The following FAM161A variants were observed in gnomAD, a reference collection of about 807,000 sequenced individuals.
The protein encoded by FAM161A is protein FAM161A.
FAM161A carries 57 observed loss-of-function variants against 70.9 expected under a neutral mutation model. That is an observed-to-expected ratio of 0.80 (90% confidence interval 0.65 to 1.00). The LOEUF (loss-of-function observed/expected upper bound fraction) is 1.00. Ranked by LOEUF, FAM161A falls within the 50% of genes least tolerant of loss-of-function variation. The pLI is 0.00. For synonymous variants in FAM161A, 299 were observed against 295.7 expected, an observed-to-expected ratio of 1.01 and a Z score of -0.12; for missense variants, 880 against 836.0, an observed-to-expected ratio of 1.05 and a Z score of -0.65.
the FAM161A span, among the ~76,000 whole-genome samples, chr2:61,812,317 T>C: frequency 3.9e-5 from 6 of 152,262 alleles, no homozygotes; most frequent in Non-Finnish European, 5.9e-5. Context: ...AGATTTTTTG[T>C]TAATTTAATG....
the FAM161A span, among the ~76,000 whole-genome samples, chr2:61,810,177 A>C: frequency 6.6e-6 from 1 of 152,174 alleles, no homozygotes; most frequent in Non-Finnish European, 1.5e-5. Flanking sequence ...GCTGAAACTA[A>C]ATTATACAGG....
At chr2:61,801,189 GAAC>G in the FAM161A span, among the ~76,000 whole-genome samples, 1 of 151,908 alleles carries the variant, frequency 6.6e-6, no homozygotes, top group Non-Finnish European at 1.5e-5. Flanking sequence ...AAATCTTAAA[GAAC>G]ACCACTTTAA....
At chr2:61,804,771 A>AAAGAAAGT in the FAM161A span, among the ~76,000 whole-genome samples, 2 of 125,556 alleles carry the variant, frequency 1.6e-5, no homozygotes, top group Admixed American at 1.6e-4. Flanking sequence ...AAAGAAAGAG[A>AAAGAAAGT]AAGAAAGAAA....
At chr2:61,831,550 A>G (rs1466414992) in intron 5 of FAM161A, among the ~76,000 whole-genome samples, 1 of 152,184 alleles carries the variant, frequency 6.6e-6, no homozygotes, top group African/African-American at 2.4e-5. Flanking sequence ...CTGATATTCA[A>G]AAAGCATTTG....
At chr2:61,838,501 A>T (rs1672855946) in intron 4 of FAM161A, 37 bp downstream of exon 4, 1 of 1,548,930 alleles carries the variant, frequency 6.5e-7, no homozygotes, top group South Asian at 1.2e-5. Flanking sequence ...GAGTTTGAAA[A>T]CCAGTGGTCT....
intron 4 of FAM161A, 34 bp from the exon 5 acceptor site, chr2:61,836,143 G>C: frequency 7.0e-7 from 1 of 1,426,452 alleles, no homozygotes; most frequent in Non-Finnish European, 9.9e-7. Flanking sequence ...AATTTTAAAA[G>C]ATCATCTAAG....
At chr2:61,838,873 T>TTTAG in intron 3 of FAM161A, among the ~76,000 whole-genome samples, 168 bp from the exon 4 acceptor site, 1 of 141,860 alleles carries the variant, frequency 7.0e-6, no homozygotes, top group East Asian at 2.0e-4. Flanking sequence ...TATTTATTTA[T>TTTAG]TTATTTATTT....
intron 3 of FAM161A, 63 bp downstream of exon 3, chr2:61,839,358 A>G (rs757368523): frequency 6.8e-7 from 1 of 1,466,600 alleles, no homozygotes; most frequent in Non-Finnish European, 9.6e-7. Flanking sequence ...CATAAACTCC[A>G]CAGAGCTGCA....
chr2:61,818,255 C>T, the FAM161A span, among the ~76,000 whole-genome samples: 2 of 152,206 alleles, frequency 1.3e-5, no homozygotes, highest in South Asian at 4.2e-4. Context: ...GGGATCTCAC[C>T]TTGTTGGCCA....
rs774817397 is a variant in FAM161A, at chr2:61,853,922, C to T, written c.120G>A (p.Ala40=). 1.2e-6 allele frequency: 2 copies of T among 1,614,004 alleles called. No homozygotes were observed. Among genetic ancestry groups the T allele is most frequent in the Admixed American group, 1.7e-5 (1 of 60,034 alleles). The change falls in exon 1 of 7, where the codon GCG becomes GCA. Residue 40 remains alanine (A), a synonymous_variant. Coordinates refer to ENST00000404929, the MANE Select transcript of FAM161A (RefSeq NM_001201543.2). ...YEREDPLKAL[A]AAEAILEDEE... ...CGTCCTCCAAGATCGCCTCCGCTGC[C>T]GCCAGGGCCTTTAAGGGGTCTTCGC...
intron 2 of FAM161A, 51 bp downstream of exon 2, chr2:61,842,071 A>G: frequency 8.7e-7 from 1 of 1,147,308 alleles, no homozygotes; most frequent in Admixed American, 1.7e-5. Context: ...TGTCCTTTTA[A>G]GGATACATTT....
intron 5 of FAM161A, among the ~76,000 whole-genome samples, chr2:61,832,762 G>A (rs575768361): frequency 2.6e-5 from 4 of 152,130 alleles, no homozygotes; most frequent in Non-Finnish European, 5.9e-5. Context: ...AGAATCTAAC[G>A]CCTGATGATG....
rs1251667256 is a variant in FAM161A, at chr2:61,825,114, TA to T, written c.*1340del. 1 of 450,682 alleles carries T rather than the reference TA, an allele frequency of 2.2e-6. No individual in the cohort carries two copies. Among genetic ancestry groups the T allele is most frequent in the Admixed American group, 2.4e-5 (1 of 42,014 alleles). The allele number at this position is 450,682 out of a possible 1,614,324, so 27.9% of individuals were successfully genotyped here. ...GAAACACTGCTATTACATACACCTG[TA>T]TTAGTTCATCCTTTTAAAATGATGC... On this transcript the variant is annotated 3_prime_UTR_variant, in exon 7 of 7. Transcript: ENST00000404929.
chr2:61,830,663 G>A (rs976303169), intron 5 of FAM161A, among the ~76,000 whole-genome samples: 6 of 120,416 alleles, frequency 5.0e-5, no homozygotes, highest in Non-Finnish European at 8.1e-5. Context: ...CAGCCTGGGT[G>A]ACAGAGTAAG....
intron 5 of FAM161A, among the ~76,000 whole-genome samples, chr2:61,827,830 C>A (rs1018157717): frequency 6.6e-6 from 1 of 152,054 alleles, no homozygotes; most frequent in Non-Finnish European, 1.5e-5. Flanking sequence ...ACCCAAATAT[C>A]TATTAGTAGC....
chr2:61,852,938 CTTTT>C (rs5831624), intron 1 of FAM161A, among the ~76,000 whole-genome samples: 4 of 66,440 alleles, frequency 6.0e-5, no homozygotes, highest in Non-Finnish European at 6.0e-5. Flanking sequence ...AGATTCCCAT[CTTTT>C]TTTTTTTTTT....
rs1572877944 is a variant in FAM161A, at chr2:61,839,516, C to T, written c.1488G>A (p.Lys496=). The change falls in exon 3 of 7, where the codon AAG becomes AAA. Residue 496 remains lysine, a synonymous_variant. Transcript: ENST00000404929. ...TTACACCTGCACATCTTACTGGTGA[C>T]TTACGCCTTGGAGACAAATAAGGCC... The part of the protein sequence containing the change: ...TRWPYLSPRR[K]SPVRCAGVNP... 6.2e-7 allele frequency: 1 copy of T among 1,614,214 alleles called. No individual in the cohort carries two copies. The highest frequency in any genetic ancestry group is 8.5e-7 in the Non-Finnish European group (1 of 1,180,040).
At chr2:61,826,663 C>T (rs1384097584) in intron 6 of FAM161A, 64 bp from the exon 7 acceptor site, 2 of 1,409,840 alleles carry the variant, frequency 1.4e-6, no homozygotes, top group East Asian at 2.3e-5. Flanking sequence ...TAAACAAACC[C>T]TCTGCAAGTA....
At chr2:61,820,641 G>C, downstream of FAM161A, 4 of 563,170 alleles carry the variant, frequency 7.1e-6, no homozygotes, top group South Asian at 7.4e-5. Flanking sequence ...CTTTTTGTAT[G>C]TGTGATGATG....
Sources: gnomAD v4.1 joint callset for allele counts (sites outside exome capture counted in the v4.1 genomes callset) on GRCh38, gnomAD v4.1.1 for gene constraint, MANE v1.5 for transcripts, NCBI Gene and HGNC (gene_info 2026-07-23, HGNC 2026-07-21) for gene names.